Variants in KAZN observed in about 807,000 individuals in gnomAD.
KAZN encodes kazrin, periplakin interacting protein.
In KAZN, 40 loss-of-function variants were observed where a neutral mutation model predicts 87.4. The ratio of observed to expected loss-of-function variants is 0.46; its 90% CI spans 0.36 to 0.60. The LOEUF (loss-of-function observed/expected upper bound fraction) is 0.60. KAZN is among the 20% of genes least tolerant of loss of function. The probability of loss-of-function intolerance (pLI) is 0.00; values close to 1 mark genes in which losing one functional copy is unlikely to be tolerated. For synonymous variants in KAZN, 466 were observed against 458.3 expected, an observed-to-expected ratio of 1.02 and a Z score of -0.22; for missense variants, 898 against 1,073.9, an observed-to-expected ratio of 0.84 and a Z score of 2.29.
intron 1 of KAZN, among the ~76,000 whole-genome samples, chr1:14,877,231 A>G (rs938967259): frequency 6.6e-6 from 1 of 152,056 alleles, no homozygotes; most frequent in Non-Finnish European, 1.5e-5. Context: ...TATTGGCCCC[A>G]TTGTCTTCTA....
At chr1:14,363,471 T>C (rs1329389530) in intron 2 of KAZN, among the ~76,000 whole-genome samples, 2 of 152,228 alleles carry the variant, frequency 1.3e-5, no homozygotes, top group Non-Finnish European at 2.9e-5. Context: ...GTTTCTCATT[T>C]GTTACATGGG....
chr1:14,069,207 G>C (rs1049367603), intron 1 of KAZN, among the ~76,000 whole-genome samples: 1 of 152,214 alleles, frequency 6.6e-6, no homozygotes, highest in African/African-American at 2.4e-5. Context: ...TGGTAAGTGA[G>C]TCTGTAGCTG....
intron 1 of KAZN, among the ~76,000 whole-genome samples, chr1:14,620,074 C>T (rs1175763800): frequency 6.6e-6 from 1 of 152,120 alleles, no homozygotes; most frequent in Non-Finnish European, 1.5e-5. Context: ...TAACAGTTAC[C>T]CATCTGTACA....
intron 1 of KAZN, among the ~76,000 whole-genome samples, chr1:14,164,426 G>A (rs900205106): frequency 1.3e-5 from 2 of 148,896 alleles, no homozygotes; most frequent in Non-Finnish European, 3.0e-5. Flanking sequence ...CTCAGAGTGA[G>A]CATTTCAAGA....
chr1:14,242,531 G>C (rs1205358972), intron 2 of KAZN, among the ~76,000 whole-genome samples: 1 of 152,194 alleles, frequency 6.6e-6, no homozygotes, highest in Non-Finnish European at 1.5e-5. Context: ...CTAGGACTCA[G>C]GCAGTAAACA....
chr1:13,908,918 A>T (rs1425563643), intron 1 of KAZN, among the ~76,000 whole-genome samples: 1 of 152,180 alleles, frequency 6.6e-6, no homozygotes, highest in East Asian at 1.9e-4. Flanking sequence ...GTTTTATGAG[A>T]CCAAAGAGAG....
chr1:14,452,238 C>A (rs769612919), intron 2 of KAZN, among the ~76,000 whole-genome samples: 11 of 152,114 alleles, frequency 7.2e-5, no homozygotes, highest in Non-Finnish European at 1.5e-4. Context: ...CCATGCCTGG[C>A]CAACTTTGAA....
At chr1:14,816,086 G>C (rs759137680) in intron 1 of KAZN, among the ~76,000 whole-genome samples, 3 of 152,098 alleles carry the variant, frequency 2.0e-5, no homozygotes, top group Admixed American at 6.6e-5. Flanking sequence ...TTGAGGAGAG[G>C]ACAAGAGGAG....
chr1:14,470,649 T>C (rs1020954857), intron 2 of KAZN, among the ~76,000 whole-genome samples: 6 of 152,348 alleles, frequency 3.9e-5, no homozygotes, highest in Admixed American at 3.9e-4. Context: ...CCTTTCTCTG[T>C]TGAGCAGAGT....
At chr1:14,625,549 T>A (rs1381002397) in intron 1 of KAZN, among the ~76,000 whole-genome samples, 1 of 152,204 alleles carries the variant, frequency 6.6e-6, no homozygotes, top group Admixed American at 6.5e-5. Context: ...CTAAAAGATT[T>A]CCAGTCATAT....
intron 2 of KAZN, among the ~76,000 whole-genome samples, chr1:14,310,566 G>C (rs1655214497): frequency 2.0e-5 from 3 of 152,122 alleles, no homozygotes; most frequent in Admixed American, 2.0e-4. Context: ...GAAGGCTGCT[G>C]GTGGGCCGAC....
intron 1 of KAZN, among the ~76,000 whole-genome samples, chr1:14,665,117 A>G (rs1001276620): frequency 1.3e-5 from 2 of 152,118 alleles, no homozygotes; most frequent in Non-Finnish European, 2.9e-5. Context: ...TGCCCCAACA[A>G]AGATGGTCCT....
rs549915121 is a variant in KAZN, at chr1:14,811,822, A to T, written c.227-148862A>T. Among the ~76,000 whole-genome samples the T allele has an allele frequency of 7.2e-5, 11 of 152,306 alleles. No individual in the cohort carries two copies. The South Asian group carries it at 2.1e-3, about 29-fold the overall frequency. ...ATTTAATGAAATGCATATTATGATG[A>T]TCCCTGTTGCACGGGGGAAATGACA... On this transcript the variant is annotated intron_variant, in intron 1 of 14. Transcript: ENST00000376030.
chr1:14,819,927 C>T (rs1306764927), intron 1 of KAZN, among the ~76,000 whole-genome samples: 1 of 151,956 alleles, frequency 6.6e-6, no homozygotes, highest in Non-Finnish European at 1.5e-5. Flanking sequence ...CCAGGCTGGT[C>T]TTGAACTCCT....
At chr1:14,730,144 C>T (rs769881327) in intron 1 of KAZN, among the ~76,000 whole-genome samples, 3 of 152,072 alleles carry the variant, frequency 2.0e-5, no homozygotes, top group African/African-American at 4.8e-5. Context: ...AGTGCAGTGG[C>T]GCGATCTCGG....
intron 2 of KAZN, among the ~76,000 whole-genome samples, chr1:15,007,317 T>C (rs879809507): frequency 1.3e-5 from 2 of 152,130 alleles, no homozygotes; most frequent in Admixed American, 1.3e-4. Flanking sequence ...TTATCACCAG[T>C]GAGCTGCAGA....
chr1:14,466,447 G>A (rs1668134899), intron 2 of KAZN, among the ~76,000 whole-genome samples: 1 of 152,070 alleles, frequency 6.6e-6, no homozygotes. Flanking sequence ...TGAACAATGA[G>A]AATGCATGGA....
At chr1:14,969,678 G>C (rs969696798) in intron 2 of KAZN, among the ~76,000 whole-genome samples, 4 of 152,222 alleles carry the variant, frequency 2.6e-5, no homozygotes, top group African/African-American at 9.6e-5. Context: ...TGGAAGAATT[G>C]CCCAGGCTCT....
chr1:14,165,137 T>C (rs1003969079), intron 1 of KAZN, among the ~76,000 whole-genome samples: 1 of 152,156 alleles, frequency 6.6e-6, no homozygotes, highest in African/African-American at 2.4e-5. Context: ...TGTACATAGC[T>C]AGTTTTATGT....
Sources: gnomAD v4.1 joint callset for allele counts (sites outside exome capture counted in the v4.1 genomes callset) on GRCh38, gnomAD v4.1.1 for gene constraint, MANE v1.5 for transcripts, NCBI Gene and HGNC (gene_info 2026-07-23, HGNC 2026-07-21) for gene names.